The following THADA variants were observed in gnomAD, a reference collection of about 807,000 sequenced individuals.
The protein encoded by THADA is THADA armadillo repeat containing.
Under a neutral mutation model 219.8 loss-of-function variants are expected in THADA, and 213 were observed. The ratio of observed to expected loss-of-function variants is 0.97; its 90% CI spans 0.87 to 1.09. THADA has a LOEUF of 1.09. Ranked by LOEUF, THADA falls within the 50% of genes least tolerant of loss-of-function variation. The pLI, the probability that THADA is intolerant of heterozygous loss-of-function variation, is 0.00. For synonymous variants in THADA, 1,018 were observed against 828.9 expected (o/e 1.23, Z -3.92); for missense variants, 2,956 against 2,311.3 (o/e 1.28, Z -5.72).
chr2:43,400,134 C>G (rs1251865595), intron 28 of THADA, among the ~76,000 whole-genome samples: 3 of 152,132 alleles, frequency 2.0e-5, no homozygotes, highest in African/African-American at 4.8e-5. Flanking sequence ...TGACTGTACA[C>G]TAAAGAATGC....
At chr2:43,232,692 C>A in intron 37 of THADA, 21 bp downstream of exon 37, 1 of 1,612,608 alleles carries the variant, frequency 6.2e-7, no homozygotes, top group Non-Finnish European at 8.5e-7. Flanking sequence ...GCCTCCTACT[C>A]CCCTGACACC....
At chr2:43,455,174 A>G (rs1280860936) in intron 26 of THADA, among the ~76,000 whole-genome samples, 1 of 152,036 alleles carries the variant, frequency 6.6e-6, no homozygotes, top group Non-Finnish European at 1.5e-5. Flanking sequence ...CTCTAGGTCA[A>G]TCTCTGGCAG....
intron 22 of THADA, among the ~76,000 whole-genome samples, chr2:43,524,113 C>G (rs1467514781): frequency 1.3e-5 from 2 of 152,164 alleles, no homozygotes; most frequent in Non-Finnish European, 2.9e-5. Context: ...TATGCACAGG[C>G]AAGCAATGAT....
At chr2:43,566,287 G>A (rs1445972953) in intron 15 of THADA, 9 of 505,958 alleles carry the variant, frequency 1.8e-5, no homozygotes, top group African/African-American at 4.0e-5. Flanking sequence ...TGAAACAGAC[G>A]GCATGTAAAG....
rs761471580 is a variant in THADA at position 43,571,866 on chromosome 2, A to G, written c.1909-4T>C. On this transcript the variant is annotated splice_polypyrimidine_tract_variant and splice_region_variant and intron_variant, in intron 12 of 37. Coordinates refer to ENST00000405975, the MANE Select transcript of THADA (RefSeq NM_022065.5). ...AGCCTAATGTATCTATCCTTACCTA[A>G]AAAACATCAAGCAATAAAATGTTAA... 5.5e-5 allele frequency: 89 copies of G among 1,610,116 alleles called. No homozygotes were observed. Among genetic ancestry groups the G allele is most frequent in the Non-Finnish European group, 7.4e-5 (87 of 1,178,594 alleles).
chr2:43,412,527 G>A lies in THADA; in HGVS notation c.4059-14388C>T, dbSNP rs137899622. 6.6e-3 allele frequency among the ~76,000 whole-genome samples: 1,010 copies of A among 152,180 alleles called. 3 individuals carry two copies. The highest frequency in any genetic ancestry group is 0.011 in the South Asian group (54 of 4,820). ...TGTTCAGAGCCTGGGTAAACTGGTG[G>A]AATTTGGCATCACTTAGTTTATAAT... On this transcript the variant is annotated intron_variant, in intron 28 of 37. Transcript: ENST00000405975.
Position 43,572,895 on chromosome 2 carries a change from A to G in THADA, c.1827T>C (p.His609=). 6.2e-7 allele frequency: 1 copy of G among 1,613,948 alleles called. No individual in the cohort carries two copies. Among genetic ancestry groups the G allele is most frequent in the Non-Finnish European group, 8.5e-7 (1 of 1,179,856 alleles). ...ACLRIARAHG[H]LQSATDTWEN... ...CCCAGGTATCAGTTGCAGACTGAAGATGTCCATGAGCTCTAGCTATTCGCA... is the reference window on the plus strand; with the variant it reads ...CCCAGGTATCAGTTGCAGACTGAAGGTGTCCATGAGCTCTAGCTATTCGCA... Residue 609 remains histidine, a synonymous_variant, in exon 12 of 38, where the codon CAT becomes CAC. Transcript: ENST00000405975.
chr2:43,443,218 G>C (rs1197835723), intron 26 of THADA, among the ~76,000 whole-genome samples: 1 of 152,190 alleles, frequency 6.6e-6, no homozygotes, highest in Non-Finnish European at 1.5e-5. Flanking sequence ...CTAAACAGTT[G>C]CCGAGTGAGT....
At chr2:43,581,624 G>A in intron 8 of THADA, 117 bp downstream of exon 8, 5 of 870,498 alleles carry the variant, frequency 5.7e-6, no homozygotes, top group Non-Finnish European at 8.6e-6. Flanking sequence ...GCTGAGTAAG[G>A]ACACATTCCA....
intron 25 of THADA, 147 bp from the exon 26 acceptor site, chr2:43,485,472 A>T (rs530279545): frequency 2.3e-4 from 128 of 567,342 alleles, no homozygotes; most frequent in Admixed American, 1.5e-3. Flanking sequence ...AAAATAATTT[A>T]AAAAAAAAAC....
At position 43,231,183 on chromosome 2, in the gene THADA, G is replaced by C; in HGVS notation, c.5627C>G (p.Ser1876Ter). The change falls in exon 38 of 38, where the codon TCA becomes TGA. Residue 1876 changes from serine to a stop codon, truncating the protein, a stop_gained. Transcript: ENST00000405975. LOFTEE classifies it high-confidence loss of function. ...EMLCHLQRMV[S>*]EQCHLLSQFF... Reference sequence around the variant, plus strand: ...CTGAGACAGGAGGTGGCACTGCTCTGACACCATCCTTTGAAGGTGACAGAG... The same window carrying C: ...CTGAGACAGGAGGTGGCACTGCTCTCACACCATCCTTTGAAGGTGACAGAG... 6.2e-7 allele frequency: 1 copy of C among 1,613,840 alleles called. No individual in the cohort carries two copies. Among genetic ancestry groups the C allele is most frequent in the Non-Finnish European group, 8.5e-7 (1 of 1,179,810 alleles).
chr2:43,459,408 T>C lies in THADA; in HGVS notation c.3836+25826A>G, dbSNP rs367554326. 4.6e-5 allele frequency among the ~76,000 whole-genome samples: 7 copies of C among 152,186 alleles called. No individual in the cohort carries two copies. The East Asian group carries it at 7.7e-4, about 17-fold the overall frequency. ...TTACATCCCTTGTTGTAGACCTTCT[T>C]TCATACATTTGATTAATACTTACTG... On this transcript the variant is annotated intron_variant, in intron 26 of 37. Coordinates refer to ENST00000405975, the MANE Select transcript of THADA (RefSeq NM_022065.5).
chr2:43,552,145 G>A lies in THADA; in HGVS notation c.2810+59C>T, dbSNP rs963823883. On this transcript the variant is annotated intron_variant, in intron 18 of 37. Transcript: ENST00000405975. ...TTTCCCAGGACACATTCCAACCAGA[G>A]GTTAAAGCTCAGAAATGAATGGATT... The A allele has an allele frequency of 4.5e-6, 7 of 1,564,286 alleles. No homozygotes were observed. The East Asian group carries it at 1.6e-4, about 36-fold the overall frequency.
chr2:43,529,228 C>T (rs1231594230), intron 21 of THADA, among the ~76,000 whole-genome samples: 1 of 152,026 alleles, frequency 6.6e-6, no homozygotes, highest in Non-Finnish European at 1.5e-5. Flanking sequence ...TCATAGCTCA[C>T]TGTAACCTCG....
At chr2:43,327,813 T>C (rs914035501) in intron 30 of THADA, among the ~76,000 whole-genome samples, 1 of 152,196 alleles carries the variant, frequency 6.6e-6, no homozygotes, top group Non-Finnish European at 1.5e-5. Flanking sequence ...TCTAGAGGAT[T>C]ACTTTTCTAA....
rs534018149 is a variant in THADA at position 43,317,463 on chromosome 2, TATC to T, written c.4438+2980_4438+2982del. On this transcript the variant is annotated intron_variant, in intron 31 of 37. Transcript: ENST00000405975. ...AGGAGCTTATATGCTAAAACTATAA[TATC>T]ATCACATTATTTTGAAAGCATATTG... Among the ~76,000 whole-genome samples, 11 of 152,342 alleles carry T rather than the reference TATC, an allele frequency of 7.2e-5. No homozygotes were observed. The East Asian group carries it at 2.1e-3, about 29-fold the overall frequency.
chr2:43,308,685 G>C lies in THADA; in HGVS notation c.4438+11761C>G, dbSNP rs138449139. On this transcript the variant is annotated intron_variant, in intron 31 of 37. Transcript: ENST00000405975. ...CCATTGCACTCCAGCATGGGAGACAGTGCAAGACCCTGTCTCTAGAAACGA... is the reference window on the plus strand; with the variant it reads ...CCATTGCACTCCAGCATGGGAGACACTGCAAGACCCTGTCTCTAGAAACGA... Among the ~76,000 whole-genome samples, 679 of 142,314 alleles carry C rather than the reference G, an allele frequency of 4.8e-3. 4 individuals carry two copies. The highest frequency in any genetic ancestry group is 0.017 in the African/African-American group (646 of 38,518). 93.4% of individuals were successfully genotyped at this position (142,314 alleles called of 152,430 possible).
chr2:43,370,358 C>G (rs1232972848), intron 29 of THADA, among the ~76,000 whole-genome samples: 1 of 152,188 alleles, frequency 6.6e-6, no homozygotes, highest in East Asian at 1.9e-4. Flanking sequence ...CTGGAGAGAT[C>G]TCAGAGTTAA....
intron 11 of THADA, 25 bp downstream of exon 11, chr2:43,574,311 T>A: frequency 6.8e-7 from 1 of 1,476,796 alleles, no homozygotes; most frequent in Non-Finnish European, 9.0e-7. Context: ...TAGAAACTAC[T>A]AAAACAAAAA....
Sources: allele counts gnomAD v4.1 joint callset (sites outside exome capture counted in the v4.1 genomes callset), GRCh38; gene constraint gnomAD v4.1.1; transcripts MANE v1.5; gene names NCBI Gene and HGNC (gene_info 2026-07-23, HGNC 2026-07-21).